Variants in GNA14 observed in about 807,000 individuals in gnomAD.
GNA14 encodes G protein subunit alpha 14, also known as guanine nucleotide-binding protein subunit alpha-14.
GNA14 carries 50 observed loss-of-function variants against 42.0 expected under a neutral mutation model. The observed-to-expected ratio is 1.19, with a 90% CI of 0.95 to 1.51. GNA14 has a LOEUF of 1.51. Among genes scored for constraint, GNA14 ranks in the 40% most tolerant of loss-of-function variants. GNA14 has a pLI of 0.00. For synonymous variants in GNA14, 173 were observed against 163.1 expected, an observed-to-expected ratio of 1.06 and a Z score of -0.46; for missense variants, 473 against 446.2, an observed-to-expected ratio of 1.06 and a Z score of -0.54.
intron 3 of GNA14, among the ~76,000 whole-genome samples, chr9:77,431,925 G>A (rs113671603): frequency 5.9e-5 from 9 of 152,236 alleles, no homozygotes; most frequent in African/African-American, 1.7e-4. Flanking sequence ...ATACACAGGC[G>A]TAAAACAGGC....
At chr9:77,637,024 A>C (rs1824193348) in intron 1 of GNA14, among the ~76,000 whole-genome samples, 3 of 152,220 alleles carry the variant, frequency 2.0e-5, no homozygotes. Context: ...CAGTTTTTTG[A>C]AGAGTACATG....
intron 2 of GNA14, among the ~76,000 whole-genome samples, chr9:77,487,499 TG>T (rs35914767): frequency 0.49 from 74,537 of 151,970 alleles, 18,863 homozygotes; most frequent in East Asian, 0.83. Flanking sequence ...ATGGTATTTT[TG>T]TAATTGCCAA....
rs1122838 is a variant in GNA14 at position 77,648,184 on chromosome 9, G to C, written c.-391C>G. ...CGAGTTGGAACGTCGGTGCTCGGGG[G>C]AGAGTAGGATCTCCTGGGCCTAGGG... is the stretch of plus-strand genomic sequence containing the variant. On this transcript the variant is annotated 5_prime_UTR_variant, in exon 1 of 7. Coordinates refer to ENST00000341700, the MANE Select transcript of GNA14 (RefSeq NM_004297.4). The C allele has an allele frequency of 3.7e-5, 11 of 295,636 alleles. No individual in the cohort carries two copies. Among genetic ancestry groups the C allele is most frequent in the Non-Finnish European group, 5.7e-5 (9 of 157,164 alleles). The allele number at this position is 295,636 out of a possible 1,614,324, so 18.3% of individuals were successfully genotyped here.
At chr9:77,575,745 C>T (rs1222702245) in intron 1 of GNA14, among the ~76,000 whole-genome samples, 3 of 152,170 alleles carry the variant, frequency 2.0e-5, no homozygotes, top group Non-Finnish European at 4.4e-5. Context: ...GGTTTTAAGT[C>T]TGAAAACCTT....
At chr9:77,442,637 G>A (rs1835752538) in intron 2 of GNA14, among the ~76,000 whole-genome samples, 1 of 152,212 alleles carries the variant, frequency 6.6e-6, no homozygotes, top group South Asian at 2.1e-4. Context: ...ATTCCATAGG[G>A]CAGCCTTGAG....
rs1467842838 is a variant in GNA14, at chr9:77,511,228, G to A, written c.309+17841C>T. Reference sequence around the variant, plus strand: ...ATAGTTCAGAAGCTAAAGATCATCTGGTCAAGTTCTTCTGGGTTACACAGC... The same window carrying A: ...ATAGTTCAGAAGCTAAAGATCATCTAGTCAAGTTCTTCTGGGTTACACAGC... On this transcript the variant is annotated intron_variant, in intron 2 of 6. Transcript: ENST00000341700. 3.3e-5 allele frequency among the ~76,000 whole-genome samples: 5 copies of A among 152,146 alleles called. No individual in the cohort carries two copies. In the East Asian group the frequency reaches 9.7e-4, roughly 30 times the overall value.
intron 2 of GNA14, among the ~76,000 whole-genome samples, chr9:77,492,520 G>T (rs1386105980): frequency 6.6e-6 from 1 of 152,006 alleles, no homozygotes; most frequent in East Asian, 1.9e-4. Context: ...AATCATTAGA[G>T]ACTATTACAA....
At chr9:77,608,368 G>C (rs1823671676) in intron 1 of GNA14, among the ~76,000 whole-genome samples, 1 of 152,178 alleles carries the variant, frequency 6.6e-6, no homozygotes, top group African/African-American at 2.4e-5. Flanking sequence ...CGTACCTTGA[G>C]TATCACCTAT....
At chr9:77,492,346 T>C (rs1185417392) in intron 2 of GNA14, among the ~76,000 whole-genome samples, 1 of 151,498 alleles carries the variant, frequency 6.6e-6, no homozygotes, top group African/African-American at 2.4e-5. Flanking sequence ...ATACAATTTA[T>C]TTATAAAAAA....
chr9:77,629,971 C>T (rs935608434), intron 1 of GNA14, among the ~76,000 whole-genome samples: 4 of 152,028 alleles, frequency 2.6e-5, no homozygotes, highest in Non-Finnish European at 5.9e-5. Context: ...GTATTTAAAT[C>T]TGATATTAAA....
intron 2 of GNA14, among the ~76,000 whole-genome samples, chr9:77,446,638 G>C (rs7042331): frequency 0.012 from 1,788 of 152,256 alleles, 38 homozygotes; most frequent in African/African-American, 0.041. Context: ...GAGAAGGGGT[G>C]GGGGGAGATG....
intron 2 of GNA14, among the ~76,000 whole-genome samples, chr9:77,445,745 A>T (rs1286942375): frequency 6.6e-6 from 1 of 151,938 alleles, no homozygotes; most frequent in African/African-American, 2.4e-5. Flanking sequence ...ATCTTTAAAA[A>T]ATATATATTT....
At chr9:77,629,439 T>C (rs1442045552) in intron 1 of GNA14, among the ~76,000 whole-genome samples, 2 of 152,198 alleles carry the variant, frequency 1.3e-5, no homozygotes, top group Non-Finnish European at 2.9e-5. Flanking sequence ...TGTATGTTTA[T>C]TGCAGCAACT....
chr9:77,493,141 T>C (rs1037961082), intron 2 of GNA14, among the ~76,000 whole-genome samples: 7 of 149,362 alleles, frequency 4.7e-5, no homozygotes, highest in African/African-American at 1.7e-4. Flanking sequence ...CCGTGGGGCA[T>C]AGGACATTTG....
intron 3 of GNA14, among the ~76,000 whole-genome samples, chr9:77,433,779 A>T (rs1341443510): frequency 6.6e-6 from 1 of 152,234 alleles, no homozygotes; most frequent in Non-Finnish European, 1.5e-5. Context: ...TCCAAAATAC[A>T]GTGTGTAGGC....
intron 1 of GNA14, among the ~76,000 whole-genome samples, chr9:77,593,161 G>A (rs1030085142): frequency 6.6e-6 from 1 of 152,154 alleles, no homozygotes; most frequent in Non-Finnish European, 1.5e-5. Flanking sequence ...TAAGAGATGT[G>A]TTATAACTCT....
At chr9:77,549,345 T>C (rs1837762403) in intron 1 of GNA14, among the ~76,000 whole-genome samples, 1 of 152,214 alleles carries the variant, frequency 6.6e-6, no homozygotes, top group South Asian at 2.1e-4. Flanking sequence ...TTACGGTACC[T>C]GTTGGAGCTC....
chr9:77,590,335 G>A lies in GNA14; in HGVS notation c.124+57335C>T, dbSNP rs145240591. Among the ~76,000 whole-genome samples the A allele has an allele frequency of 1.9e-3, 288 of 152,310 alleles. 2 individuals carry two copies. Among genetic ancestry groups the A allele is most frequent in the African/African-American group, 5.9e-3 (246 of 41,572 alleles). On this transcript the variant is annotated intron_variant, in intron 1 of 6. Coordinates refer to ENST00000341700, the MANE Select transcript of GNA14 (RefSeq NM_004297.4). ...TAGGCTAGGGCTTTGCACTGAAGGG[G>A]ACTGATGTGTTCACATTCTTGAGGG...
chr9:77,631,001 T>C (rs776354968), intron 1 of GNA14, among the ~76,000 whole-genome samples: 3 of 152,212 alleles, frequency 2.0e-5, no homozygotes, highest in Non-Finnish European at 4.4e-5. Context: ...CCAGATATAT[T>C]GTTGAGTATC....
Sources: allele counts gnomAD v4.1 joint callset (sites outside exome capture counted in the v4.1 genomes callset), GRCh38; gene constraint gnomAD v4.1.1; transcripts MANE v1.5; gene names NCBI Gene and HGNC (gene_info 2026-07-23, HGNC 2026-07-21).